Variants in UBQLN4 observed in about 807,000 individuals in gnomAD.
UBQLN4 encodes ubiquilin 4.
A neutral mutation model predicts 60.4 loss-of-function variants in UBQLN4; 11 were observed. The observed-to-expected ratio is 0.18, with a 90% CI of 0.11 to 0.30. UBQLN4 has a LOEUF of 0.30. UBQLN4 is among the 10% of genes least tolerant of loss of function. UBQLN4 has a pLI of 1.00. For missense variants in UBQLN4, 417 were observed against 795.5 expected, an observed-to-expected ratio of 0.52 and a Z score of 5.72; for synonymous variants, 258 against 313.1, an observed-to-expected ratio of 0.82 and a Z score of 1.86.
chr1:156,047,593 T>A (rs1683742208), intron 5 of UBQLN4, among the ~76,000 whole-genome samples: 1 of 151,386 alleles, frequency 6.6e-6, no homozygotes, highest in South Asian at 2.1e-4. Context: ...AATGTAAAAT[T>A]AAATTTTTAA....
At chr1:156,044,334 A>G in intron 5 of UBQLN4, 111 bp from the exon 6 acceptor site, 1 of 990,960 alleles carries the variant, frequency 1.0e-6, no homozygotes, top group Non-Finnish European at 1.5e-6. Context: ...AAAGGGAGAG[A>G]GATCTAAGAC....
At chr1:156,043,626 C>T (rs550932144) in intron 6 of UBQLN4, among the ~76,000 whole-genome samples, 19 of 152,260 alleles carry the variant, frequency 1.2e-4, no homozygotes, top group Non-Finnish European at 2.4e-4. Context: ...CTGTACATGG[C>T]AAGCCCTGCA....
In UBQLN4 at chr1:156,050,313, T is replaced by C; in HGVS notation, c.719A>G (p.Asn240Ser). 6.3e-7 allele frequency: 1 copy of C among 1,592,206 alleles called. No individual in the cohort carries two copies. Among genetic ancestry groups the C allele is most frequent in the Non-Finnish European group, 8.6e-7 (1 of 1,166,048 alleles). The change falls in exon 4 of 11, where the codon AAT (asparagine) becomes AGT (serine). Residue 240 changes from asparagine to serine, a missense_variant. By Grantham distance (46) the Asn-to-Ser change is conservative. Coordinates refer to ENST00000368309, the MANE Select transcript of UBQLN4 (RefSeq NM_020131.5). This position sits in a 1 kb window ranked among gnomAD's most constrained non-coding sequence, Gnocchi z 4.6. Reference sequence around the variant, plus strand: ...CACCTGCCTCATGAGTTCAGGGTTATTGAGCATGTGGCTGATCTCAGGGTT... The same window carrying C: ...CACCTGCCTCATGAGTTCAGGGTTACTGAGCATGTGGCTGATCTCAGGGTT... ...ERNPEISHML[N>S]NPELMRQTME...
intron 4 of UBQLN4, among the ~76,000 whole-genome samples, chr1:156,049,950 G>A (rs779135649): frequency 1.3e-4 from 20 of 152,220 alleles, no homozygotes; most frequent in African/African-American, 3.4e-4. Flanking sequence ...CCCCTGGTTC[G>A]TCTTCCTCCT....
At chr1:156,046,857 TA>T (rs1191479926) in intron 5 of UBQLN4, among the ~76,000 whole-genome samples, 2 of 152,032 alleles carry the variant, frequency 1.3e-5, no homozygotes, top group African/African-American at 4.8e-5. Flanking sequence ...AAAAGCAAGT[TA>T]AAATAATAAG....
intron 10 of UBQLN4, among the ~76,000 whole-genome samples, chr1:156,037,449 G>T (rs58466287): frequency 5.9e-5 from 9 of 152,076 alleles, no homozygotes; most frequent in Admixed American, 1.3e-4. Flanking sequence ...CAAAAAATTC[G>T]CTGGGTGTGG....
chr1:156,052,100 C>T (rs10796957), intron 1 of UBQLN4, among the ~76,000 whole-genome samples: 142,091 of 152,200 alleles, frequency 0.93, 66,900 homozygotes, highest in East Asian at 1. Flanking sequence ...TAGAAAGCCC[C>T]TGCTGCTATC....
intron 5 of UBQLN4, among the ~76,000 whole-genome samples, chr1:156,047,307 G>A (rs1027703250): frequency 1.4e-5 from 2 of 147,728 alleles, no homozygotes; most frequent in African/African-American, 5.0e-5. Context: ...GCAGTGGCAC[G>A]ATCTTGGCTC....
chr1:156,053,241 C>T (rs1683926149), intron 1 of UBQLN4, among the ~76,000 whole-genome samples: 1 of 152,154 alleles, frequency 6.6e-6, no homozygotes, highest in Non-Finnish European at 1.5e-5. Flanking sequence ...CGCTCTCCGC[C>T]TGCCCCCGGC....
chr1:156,034,710 T>C (rs1683352724), downstream of UBQLN4, among the ~76,000 whole-genome samples: 2 of 150,156 alleles, frequency 1.3e-5, no homozygotes, highest in South Asian at 2.1e-4. Context: ...TATGGGGAAG[T>C]AGGGGAAGAG....
In UBQLN4 at chr1:156,036,306, G is replaced by T; in HGVS notation, c.*672C>A. On this transcript the variant is annotated 3_prime_UTR_variant, in exon 11 of 11. Transcript: ENST00000368309. ...AATCTCATTCCCTCCTCTTTCACAC[G>T]AATTTCCTCTGGGCTGCTCCAGCGT... 1 of 985,498 alleles carries T rather than the reference G, an allele frequency of 1.0e-6. No homozygotes were observed. The highest frequency in any genetic ancestry group is 1.2e-6 in the Non-Finnish European group (1 of 829,962). 61.0% of individuals were successfully genotyped at this position (985,498 alleles called of 1,614,324 possible).
chr1:156,041,476 C>T lies in UBQLN4; in HGVS notation c.1653+9G>A. ...TGCTCCCAGCACCTGCCCCCACTGC[C>T]TCATGTACCTGTGAGTTTCCACTTC... On this transcript the variant is annotated intron_variant, in intron 10 of 10. Coordinates refer to ENST00000368309, the MANE Select transcript of UBQLN4 (RefSeq NM_020131.5). 1 of 1,576,238 alleles carries T rather than the reference C, an allele frequency of 6.3e-7. No homozygotes were observed. Among genetic ancestry groups the T allele is most frequent in the Non-Finnish European group, 8.6e-7 (1 of 1,161,244 alleles).
intron 5 of UBQLN4, 36 bp from the exon 6 acceptor site, chr1:156,044,259 A>C (rs1267782702): frequency 4.6e-6 from 7 of 1,534,176 alleles, no homozygotes; most frequent in Non-Finnish European, 6.2e-6. Context: ...TAAGGACTGA[A>C]ACAAATCAGG....
chr1:156,051,123 A>G lies in UBQLN4; in HGVS notation c.465T>C (p.Thr155=), dbSNP rs1053110708. ...PGAGEGSPSA[T]ASILSGFGGI... Reference sequence around the variant, plus strand: ...CTGAGGGCTTACAGAGTATGGACGCAGTAGCACTGGGGGATCCCTCCCCAG... The same window carrying G: ...CTGAGGGCTTACAGAGTATGGACGCGGTAGCACTGGGGGATCCCTCCCCAG... The change falls in exon 3 of 11, where the codon ACT becomes ACC. Residue 155 remains threonine, a synonymous_variant. Transcript: ENST00000368309. 4 of 1,613,526 alleles carry G rather than the reference A, an allele frequency of 2.5e-6. No individual in the cohort carries two copies. Among genetic ancestry groups the G allele is most frequent in the Non-Finnish European group, 3.4e-6 (4 of 1,179,704 alleles).
At chr1:156,046,003 A>G (rs1683688375) in intron 5 of UBQLN4, among the ~76,000 whole-genome samples, 1 of 151,048 alleles carries the variant, frequency 6.6e-6, no homozygotes, top group South Asian at 2.1e-4. Context: ...CCACCACCAC[A>G]CCTGGCTAAG....
At chr1:156,040,922 C>T (rs1683545734) in intron 10 of UBQLN4, among the ~76,000 whole-genome samples, 1 of 152,244 alleles carries the variant, frequency 6.6e-6, no homozygotes, top group Non-Finnish European at 1.5e-5. Flanking sequence ...GTCATCCCTG[C>T]CCCTCCTGCC....
At chr1:156,032,829 A>T (rs767041457), downstream of UBQLN4, among the ~76,000 whole-genome samples, 3 of 152,202 alleles carry the variant, frequency 2.0e-5, no homozygotes, top group Non-Finnish European at 2.9e-5. Flanking sequence ...CCCCCAAGGA[A>T]GAAGATCCCA....
intron 2 of UBQLN4, 109 bp downstream of exon 2, chr1:156,051,597 C>A: frequency 2.7e-6 from 4 of 1,497,262 alleles, no homozygotes; most frequent in Non-Finnish European, 3.6e-6. Flanking sequence ...CAGGAGCTAC[C>A]TGCCTGGGCC....
chr1:156,036,020 C>G lies in UBQLN4; in HGVS notation c.*958G>C. 1 of 985,636 alleles carries G rather than the reference C, an allele frequency of 1.0e-6. No homozygotes were observed. Among genetic ancestry groups the G allele is most frequent in the Non-Finnish European group, 1.2e-6 (1 of 829,990 alleles). 61.1% of individuals were successfully genotyped at this position (985,636 alleles called of 1,614,324 possible). A position where few individuals can be genotyped will look rare whatever the true frequency, so the allele number is the denominator to read the frequency against. On this transcript the variant is annotated 3_prime_UTR_variant, in exon 11 of 11. Transcript: ENST00000368309. ...TGGGGACACAAGCAAGACCTGGGTC[C>G]ATGGAAATGTGTGTGTGTGTGCATA...
Sources: gnomAD v4.1 joint callset for allele counts (sites outside exome capture counted in the v4.1 genomes callset) on GRCh38, gnomAD v4.1.1 for gene constraint, Gnocchi (gnomAD v3.1) non-coding constraint, MANE v1.5 for transcripts, NCBI Gene and HGNC (gene_info 2026-07-23, HGNC 2026-07-21) for gene names.